The following KLHL29 variants were observed in gnomAD, a reference collection of about 807,000 sequenced individuals.
KLHL29 encodes the protein kelch like family member 29.
Under a neutral mutation model 80.4 loss-of-function variants are expected in KLHL29, and 21 were observed. The observed-to-expected ratio is 0.26, with a 90% CI of 0.19 to 0.38. The LOEUF (loss-of-function observed/expected upper bound fraction) is 0.38, where lower values mean the gene tolerates loss of function less well. Ranked by LOEUF, KLHL29 falls within the 10% of genes least tolerant of loss-of-function variation. The pLI, the probability that KLHL29 is intolerant of heterozygous loss-of-function variation, is 1.00. For synonymous variants in KLHL29, 511 were observed against 526.8 expected, an observed-to-expected ratio of 0.97 and a Z score of 0.41; for missense variants, 867 against 1,223.9, an observed-to-expected ratio of 0.71 and a Z score of 4.35.
At chr2:23,571,874 C>A (rs897756751) in intron 3 of KLHL29, among the ~76,000 whole-genome samples, 1 of 152,170 alleles carries the variant, frequency 6.6e-6, no homozygotes, top group African/African-American at 2.4e-5. Context: ...AAATAAAAAA[C>A]AACCGCCTCC....
At chr2:23,594,980 C>T (rs898804936) in intron 3 of KLHL29, among the ~76,000 whole-genome samples, 22 of 152,198 alleles carry the variant, frequency 1.4e-4, no homozygotes, top group African/African-American at 5.1e-4. Context: ...CGTTTCCGCT[C>T]ACATAAATAA....
At chr2:23,701,939 G>A (rs1395254304) in intron 11 of KLHL29, among the ~76,000 whole-genome samples, 2 of 151,592 alleles carry the variant, frequency 1.3e-5, no homozygotes, top group Admixed American at 6.6e-5. Context: ...TGGGTAGCTG[G>A]GTAGCTGGAA....
rs528665600 is a variant in KLHL29, at chr2:23,556,272, C to T, written c.-45-5880C>T. Among the ~76,000 whole-genome samples, 4 of 152,226 alleles carry T rather than the reference C, an allele frequency of 2.6e-5. No homozygotes were observed. The East Asian group carries it at 7.7e-4, about 29-fold the overall frequency. ...GGAAACCGAAGCCTGATGTCTGTCC[C>T]AGACTGCTACGAAGATGACCCCCCT... On this transcript the variant is annotated intron_variant, in intron 2 of 13. Coordinates refer to ENST00000486442, the MANE Select transcript of KLHL29 (RefSeq NM_052920.2).
chr2:23,667,878 GT>G (rs954552335), intron 5 of KLHL29: 1 of 152,350 alleles, frequency 6.6e-6, no homozygotes, highest in African/African-American at 2.4e-5. Context: ...CAGCCCCGCC[GT>G]CCTCCCTCTG....
chr2:23,551,799 G>T (rs750004889), intron 2 of KLHL29, among the ~76,000 whole-genome samples: 3 of 152,120 alleles, frequency 2.0e-5, no homozygotes, highest in Non-Finnish European at 4.4e-5. Flanking sequence ...TGTTAAAAAT[G>T]CAGATTCTGA....
chr2:23,390,649 A>AC (rs1666296240), intron 1 of KLHL29, among the ~76,000 whole-genome samples: 1 of 99,480 alleles, frequency 1.0e-5, no homozygotes, highest in Non-Finnish European at 1.9e-5. Flanking sequence ...TACCATCTTT[A>AC]CTTTTTTTTT....
chr2:23,491,346 G>A (rs1665097089), intron 2 of KLHL29, among the ~76,000 whole-genome samples: 1 of 152,120 alleles, frequency 6.6e-6, no homozygotes, highest in African/African-American at 2.4e-5. Context: ...TTTAGTACAG[G>A]GACCTGCGCG....
chr2:23,605,416 C>T (rs922375819), intron 3 of KLHL29, among the ~76,000 whole-genome samples: 2 of 152,004 alleles, frequency 1.3e-5, no homozygotes, highest in African/African-American at 4.8e-5. Flanking sequence ...CCTTATGGAG[C>T]GACTTCCACG....
chr2:23,402,515 A>G (rs2103389483), intron 1 of KLHL29, among the ~76,000 whole-genome samples: 1 of 150,548 alleles, frequency 6.6e-6, no homozygotes, highest in Admixed American at 6.6e-5. Context: ...CAGCGCCCCC[A>G]TCCTTCCCCC....
At position 23,639,123 on chromosome 2, in the gene KLHL29, C is replaced by T. The variant is rs1310050208; in HGVS notation, c.286-16C>T. 1.3e-6 allele frequency: 2 copies of T among 1,523,790 alleles called. No homozygotes were observed. Among genetic ancestry groups the T allele is most frequent in the Non-Finnish European group, 1.8e-6 (2 of 1,136,390 alleles). 94.4% of individuals were successfully genotyped at this position (1,523,790 alleles called of 1,614,324 possible). ...TCTGGCCAGGCTATGCTCACCTCCT[C>T]ATCTGCTTCCCACAGGCTCCCGGCA... On this transcript the variant is annotated splice_polypyrimidine_tract_variant and intron_variant, in intron 3 of 13. Transcript: ENST00000486442.
chr2:23,647,572 G>A lies in KLHL29; in HGVS notation c.940+4722G>A, dbSNP rs543421243. ...CCCACCACCCCACCATCAGGCCACCGTCACCTCTGGCCTGCACACTGGCCT... is the reference window on the plus strand; with the variant it reads ...CCCACCACCCCACCATCAGGCCACCATCACCTCTGGCCTGCACACTGGCCT... On this transcript the variant is annotated intron_variant, in intron 5 of 13. Coordinates refer to ENST00000486442, the MANE Select transcript of KLHL29 (RefSeq NM_052920.2). The surrounding 1 kb of genome is among the most constrained non-coding windows in gnomAD (Gnocchi z 4.9). 2.0e-4 allele frequency among the ~76,000 whole-genome samples: 30 copies of A among 152,182 alleles called. No individual in the cohort carries two copies. Among genetic ancestry groups the A allele is most frequent in the African/African-American group, 6.5e-4 (27 of 41,528 alleles).
At chr2:23,584,040 G>T (rs1668054925) in intron 3 of KLHL29, among the ~76,000 whole-genome samples, 1 of 152,176 alleles carries the variant, frequency 6.6e-6, no homozygotes, top group Non-Finnish European at 1.5e-5. Context: ...GTGATCCACG[G>T]TGGGCCTTCT....
At chr2:23,694,981 A>G (rs1046464550) in intron 8 of KLHL29, among the ~76,000 whole-genome samples, 3 of 152,098 alleles carry the variant, frequency 2.0e-5, no homozygotes, top group Admixed American at 2.0e-4. Context: ...TGCCTGGCCT[A>G]TGGTGGTCTC....
intron 5 of KLHL29, among the ~76,000 whole-genome samples, chr2:23,683,222 G>A (rs1219811428): frequency 3.9e-5 from 6 of 152,238 alleles, no homozygotes; most frequent in Admixed American, 1.3e-4. Flanking sequence ...GGCGATGGCC[G>A]GTGGGGCTGG....
At chr2:23,472,471 T>C (rs1664519983) in intron 1 of KLHL29, among the ~76,000 whole-genome samples, 1 of 152,086 alleles carries the variant, frequency 6.6e-6, no homozygotes, top group Non-Finnish European at 1.5e-5. Context: ...CTGTCTCTAC[T>C]AAAAATACAA....
intron 5 of KLHL29, among the ~76,000 whole-genome samples, chr2:23,676,127 G>A (rs562098547): frequency 6.6e-6 from 1 of 152,294 alleles, no homozygotes; most frequent in Non-Finnish European, 1.5e-5. Context: ...GACCACAGGA[G>A]AGAGTGAAGT....
chr2:23,497,716 A>G (rs1665310316), intron 2 of KLHL29, among the ~76,000 whole-genome samples: 1 of 152,176 alleles, frequency 6.6e-6, no homozygotes, highest in South Asian at 2.1e-4. Flanking sequence ...GGAGAGGGGA[A>G]TATTCCAGCT....
At chr2:23,634,040 T>G (rs763842679) in intron 3 of KLHL29, among the ~76,000 whole-genome samples, 2 of 152,192 alleles carry the variant, frequency 1.3e-5, no homozygotes, top group Non-Finnish European at 2.9e-5. Context: ...CAAGCCTGTG[T>G]GACCCCCACG....
chr2:23,398,997 A>AT (rs1666524531), intron 1 of KLHL29, among the ~76,000 whole-genome samples: 1 of 152,230 alleles, frequency 6.6e-6, no homozygotes, highest in African/African-American at 2.4e-5. Flanking sequence ...GATGGCAAGC[A>AT]TGTAGTATTT....
Sources: allele counts gnomAD v4.1 joint callset (sites outside exome capture counted in the v4.1 genomes callset), GRCh38; gene constraint gnomAD v4.1.1; non-coding constraint Gnocchi (gnomAD v3.1); transcripts MANE v1.5; gene names NCBI Gene and HGNC (gene_info 2026-07-23, HGNC 2026-07-21).